Variants in HMCN1 observed in about 807,000 individuals in gnomAD.
HMCN1 encodes hemicentin-1.
Under a neutral mutation model 625.9 loss-of-function variants are expected in HMCN1, and 321 were observed. The ratio of observed to expected loss-of-function variants is 0.51; its 90% CI spans 0.47 to 0.56. The LOEUF (loss-of-function observed/expected upper bound fraction) is 0.56, where lower values mean the gene tolerates loss of function less well. HMCN1 is among the 20% of genes least tolerant of loss of function. HMCN1 has a pLI of 0.00. For missense variants in HMCN1, 6,588 were observed against 6,887.3 expected (o/e 0.96, Z 1.54); for synonymous variants, 2,425 against 2,417.6 (o/e 1.00, Z -0.09).
In HMCN1 at chr1:186,053,870, C is replaced by G; in HGVS notation, c.6746C>G (p.Ser2249Cys). 6.2e-7 allele frequency: 1 copy of G among 1,612,738 alleles called. No homozygotes were observed. The highest frequency in any genetic ancestry group is 8.5e-7 in the Non-Finnish European group (1 of 1,179,196). ...TCCATGGGGCGAGTTAGAATTTTAT[C>G]TGGGGGCAGGCAATTACAAATTTCA... ...TDSMGRVRIL[S>C]GGRQLQISIA... Residue 2249 changes from serine to cysteine, a missense_variant, in exon 44 of 107, where the codon TCT becomes TGT. By Grantham distance (112) the Ser-to-Cys change is moderately radical. Around this residue, in one of 3 missense-constraint regions of HMCN1, gnomAD observed 4,628 missense variants for 4,853.1 expected, o/e 0.95. Coordinates refer to ENST00000271588, the MANE Select transcript of HMCN1 (RefSeq NM_031935.3).
At chr1:185,995,198 A>T in intron 24 of HMCN1, 111 bp downstream of exon 24, 1 of 1,021,744 alleles carries the variant, frequency 9.8e-7, no homozygotes, top group Non-Finnish European at 1.5e-6. Context: ...AAAGAGTTCT[A>T]TATAACTTTT....
At chr1:186,062,851 T>C (rs1366969242) in intron 48 of HMCN1, among the ~76,000 whole-genome samples, 1 of 151,570 alleles carries the variant, frequency 6.6e-6, no homozygotes, top group Non-Finnish European at 1.5e-5. Flanking sequence ...CCCCAAGGTC[T>C]ATTATTTCAC....
Position 185,734,449 on chromosome 1 carries a change from G to T in HMCN1, c.-331G>T, listed in dbSNP as rs1202070444. Reference sequence around the variant, plus strand: ...GCGAGGGCAGCGGGATTCGGGCCGCGGCGCCGCAGGCTCAGAGCTGCCCCC... The same window carrying T: ...GCGAGGGCAGCGGGATTCGGGCCGCTGCGCCGCAGGCTCAGAGCTGCCCCC... On this transcript the variant is annotated 5_prime_UTR_variant, in exon 1 of 107. Coordinates refer to ENST00000271588, the MANE Select transcript of HMCN1 (RefSeq NM_031935.3). The T allele has an allele frequency of 7.8e-6, 2 of 257,978 alleles. No homozygotes were observed. Among genetic ancestry groups the T allele is most frequent in the Non-Finnish European group, 1.5e-5 (2 of 137,160 alleles). 16.0% of individuals were successfully genotyped at this position (257,978 alleles called of 1,614,324 possible).
At chr1:186,102,581 T>C (rs1215531760) in intron 68 of HMCN1, among the ~76,000 whole-genome samples, 4 of 152,132 alleles carry the variant, frequency 2.6e-5, no homozygotes, top group African/African-American at 9.7e-5. Flanking sequence ...ATGAAACTAA[T>C]AATTGTTGAC....
At chr1:186,175,344 G>A (rs1030627803) in intron 103 of HMCN1, among the ~76,000 whole-genome samples, 2 of 152,116 alleles carry the variant, frequency 1.3e-5, no homozygotes, top group Middle Eastern at 3.4e-3. Flanking sequence ...CTAGCTTCTG[G>A]GTTTCACGCT....
At chr1:186,077,711 T>C (rs1658915310) in intron 54 of HMCN1, among the ~76,000 whole-genome samples, 1 of 152,224 alleles carries the variant, frequency 6.6e-6, no homozygotes, top group African/African-American at 2.4e-5. Context: ...CACTTTATAC[T>C]TTTACAACCT....
At chr1:185,799,133 G>A (rs536877311) in intron 1 of HMCN1, among the ~76,000 whole-genome samples, 25 of 152,260 alleles carry the variant, frequency 1.6e-4, no homozygotes, top group Admixed American at 8.5e-4. Flanking sequence ...TATCGTATAA[G>A]TTCCTTGGTT....
At chr1:186,042,666 T>C (rs1232246765) in intron 40 of HMCN1, among the ~76,000 whole-genome samples, 1 of 152,206 alleles carries the variant, frequency 6.6e-6, no homozygotes, top group Non-Finnish European at 1.5e-5. Flanking sequence ...TGTTTATATA[T>C]GTTTAACCAT....
At position 185,990,198 on chromosome 1, in the gene HMCN1, T is replaced by C. The variant is rs557383467; in HGVS notation, c.3209-77T>C. ...ATAAATTACTTAAGAACATTAGTAG[T>C]CCACATTTTAGTGTAAATTAAACTG... On this transcript the variant is annotated intron_variant, in intron 21 of 106. Transcript: ENST00000271588. 1.6e-5 allele frequency: 19 copies of C among 1,224,914 alleles called. No homozygotes were observed. In the African/African-American group the frequency reaches 2.7e-4, roughly 17 times the overall value. The allele number at this position is 1,224,914 out of a possible 1,614,324, so 75.9% of individuals were successfully genotyped here.
chr1:185,820,871 T>G (rs1015556635), intron 1 of HMCN1, among the ~76,000 whole-genome samples: 1 of 152,132 alleles, frequency 6.6e-6, no homozygotes. Flanking sequence ...TGCCTTCAGA[T>G]GGATGAAGAT....
chr1:185,756,703 C>A (rs768762591), intron 1 of HMCN1, among the ~76,000 whole-genome samples: 4 of 152,082 alleles, frequency 2.6e-5, no homozygotes, highest in Non-Finnish European at 4.4e-5. Context: ...TCTTTCCTTG[C>A]CAATCTTCTA....
intron 102 of HMCN1, among the ~76,000 whole-genome samples, chr1:186,172,437 A>G (rs1188584112): frequency 6.6e-6 from 1 of 152,240 alleles, no homozygotes; most frequent in Non-Finnish European, 1.5e-5. Flanking sequence ...ATAGAAATTT[A>G]GCATATATGT....
At chr1:185,957,016 C>A (rs1428654643) in intron 11 of HMCN1, 1 of 152,170 alleles carries the variant, frequency 6.6e-6, no homozygotes, top group Non-Finnish European at 1.5e-5. Flanking sequence ...TCCTTAATTG[C>A]TGAATAAACC....
At chr1:185,985,334 A>G (rs1651934419) in intron 19 of HMCN1, among the ~76,000 whole-genome samples, 1 of 152,208 alleles carries the variant, frequency 6.6e-6, no homozygotes, top group Non-Finnish European at 1.5e-5. Flanking sequence ...TTTCAAGAAG[A>G]CCAGACCATA....
intron 11 of HMCN1, among the ~76,000 whole-genome samples, chr1:185,935,656 A>G (rs1029038538): frequency 4.6e-5 from 7 of 152,166 alleles, no homozygotes; most frequent in African/African-American, 1.7e-4. Context: ...AAATCTGTCT[A>G]GAGGTGTTAT....
intron 55 of HMCN1, 87 bp from the exon 56 acceptor site, chr1:186,081,120 C>T: frequency 8.8e-7 from 1 of 1,135,674 alleles, no homozygotes; most frequent in Non-Finnish European, 1.3e-6. Context: ...TATTATTATC[C>T]CAAAGTTTTT....
chr1:185,876,435 G>A (rs1663936677), intron 4 of HMCN1, among the ~76,000 whole-genome samples: 1 of 152,008 alleles, frequency 6.6e-6, no homozygotes, highest in African/African-American at 2.4e-5. Context: ...CCAGTAGTGG[G>A]TTTGCTGGGT....
intron 1 of HMCN1, among the ~76,000 whole-genome samples, chr1:185,767,137 T>G (rs1304962911): frequency 6.6e-6 from 1 of 152,166 alleles, no homozygotes; most frequent in Non-Finnish European, 1.5e-5. Context: ...GCAGTTAATT[T>G]CAGATTCAAA....
rs144948981 is a variant in HMCN1 at position 185,777,186 on chromosome 1, G to A, written c.268+42139G>A. ...TCTCCACTGGCTAGTTATGTGATAA[G>A]GACATGGAGAGATGAGAATGAAGAG... On this transcript the variant is annotated intron_variant, in intron 1 of 106. Transcript: ENST00000271588. Among the ~76,000 whole-genome samples the A allele has an allele frequency of 2.0e-3, 311 of 152,278 alleles. 2 individuals are homozygous for A. Among genetic ancestry groups the A allele is most frequent in the African/African-American group, 7.0e-3 (289 of 41,550 alleles).
Sources: allele counts gnomAD v4.1 joint callset (sites outside exome capture counted in the v4.1 genomes callset), GRCh38; gene constraint gnomAD v4.1.1; regional missense constraint gnomAD v4.1.1; transcripts MANE v1.5; gene names NCBI Gene and HGNC (gene_info 2026-07-23, HGNC 2026-07-21).